Variants in CSTPP1 observed in about 807,000 individuals in gnomAD.
The protein encoded by CSTPP1 is centriolar satellite-associated tubulin polyglutamylase complex regulator 1.
At chr11:47,042,797 C>G in the CSTPP1 span, among the ~76,000 whole-genome samples, 1 of 152,060 alleles carries the variant, frequency 6.6e-6, no homozygotes, top group Non-Finnish European at 1.5e-5. Flanking sequence ...AGATTAATGT[C>G]TATTAAAGAA....
the CSTPP1 span, chr11:47,157,690 G>A: frequency 3.5e-6 from 3 of 857,012 alleles, no homozygotes; most frequent in Non-Finnish European, 5.7e-6. Context: ...ATCCCCCAGG[G>A]CCTTGGGGCT....
the CSTPP1 span, among the ~76,000 whole-genome samples, chr11:46,976,851 G>A: frequency 6.6e-6 from 1 of 152,064 alleles, no homozygotes; most frequent in African/African-American, 2.4e-5. Flanking sequence ...CTCCCTATAC[G>A]TGTGTTTTGC....
At chr11:47,151,776 C>T in the CSTPP1 span, among the ~76,000 whole-genome samples, 1 of 151,644 alleles carries the variant, frequency 6.6e-6, no homozygotes, top group Non-Finnish European at 1.5e-5. Flanking sequence ...GGGATCCAGC[C>T]ACATGTCCCC....
the CSTPP1 span, among the ~76,000 whole-genome samples, chr11:46,956,052 G>C: frequency 6.6e-6 from 1 of 151,776 alleles, no homozygotes; most frequent in East Asian, 2.0e-4. Context: ...TTGGGAACAA[G>C]GGATGGAGGG....
chr11:47,156,803 C>CACCTGGT, the CSTPP1 span, among the ~76,000 whole-genome samples: 1 of 152,138 alleles, frequency 6.6e-6, no homozygotes, highest in Admixed American at 6.5e-5. Context: ...AACAACTGAG[C>CACCTGGT]CAAGGATGGG....
At chr11:47,109,510 A>G in the CSTPP1 span, among the ~76,000 whole-genome samples, 5 of 152,206 alleles carry the variant, frequency 3.3e-5, no homozygotes, top group Non-Finnish European at 7.3e-5. Context: ...TGCGGGTCAG[A>G]TGCTTTGGAT....
the CSTPP1 span, among the ~76,000 whole-genome samples, chr11:47,023,015 T>C: frequency 3.3e-5 from 5 of 152,186 alleles, no homozygotes; most frequent in Non-Finnish European, 7.3e-5. Flanking sequence ...CTTGTTAAAA[T>C]GCAGAATCAG....
chr11:47,161,596 G>A, the CSTPP1 span: 1 of 1,614,030 alleles, frequency 6.2e-7, no homozygotes, highest in Non-Finnish European at 8.5e-7. Flanking sequence ...TGGATGGAGA[G>A]AGTGATGGCT....
the CSTPP1 span, among the ~76,000 whole-genome samples, chr11:47,062,704 C>T: frequency 9.2e-5 from 14 of 152,188 alleles, no homozygotes; most frequent in African/African-American, 3.4e-4. Flanking sequence ...TTTGCCTTCA[C>T]TCCATGAAAG....
At chr11:47,010,084 C>T in the CSTPP1 span, among the ~76,000 whole-genome samples, 10 of 152,042 alleles carry the variant, frequency 6.6e-5, no homozygotes, top group Admixed American at 3.9e-4. Context: ...ATTATTTATA[C>T]GGTCAGGAAA....
the CSTPP1 span, among the ~76,000 whole-genome samples, chr11:47,027,158 A>G: frequency 2.0e-5 from 3 of 152,118 alleles, no homozygotes; most frequent in South Asian, 4.1e-4. Flanking sequence ...ATAAAAAAAG[A>G]TATTCCTTCA....
the CSTPP1 span, chr11:47,123,325 G>A: frequency 2.0e-5 from 3 of 152,136 alleles, no homozygotes; most frequent in East Asian, 5.8e-4. Context: ...ATCATTACCA[G>A]GTCTTCTGAT....
the CSTPP1 span, among the ~76,000 whole-genome samples, chr11:47,008,665 AAG>A: frequency 5.3e-5 from 8 of 152,212 alleles, no homozygotes; most frequent in South Asian, 1.5e-3. Flanking sequence ...CTATTATTGA[AAG>A]AGTCACAGGT....
At chr11:47,156,373 C>T in the CSTPP1 span, among the ~76,000 whole-genome samples, 7 of 152,232 alleles carry the variant, frequency 4.6e-5, no homozygotes, top group Non-Finnish European at 8.8e-5. Flanking sequence ...CACTGCCCAG[C>T]GGTGTGTGTA....
the CSTPP1 span, among the ~76,000 whole-genome samples, chr11:46,957,382 A>T: frequency 6.6e-6 from 1 of 152,174 alleles, no homozygotes; most frequent in Non-Finnish European, 1.5e-5. Flanking sequence ...CTTTCTGAGA[A>T]AGGGTGCATG....
chr11:47,158,445 C>A, the CSTPP1 span, among the ~76,000 whole-genome samples: 1 of 152,126 alleles, frequency 6.6e-6, no homozygotes. Context: ...ACTGAGCCTT[C>A]TCCACCCACC....
chr11:47,148,790 G>T, the CSTPP1 span, among the ~76,000 whole-genome samples: 6 of 152,298 alleles, frequency 3.9e-5, no homozygotes, highest in East Asian at 1.2e-3. Context: ...CAGGAACTAT[G>T]ATTATATCCT....
chr11:46,969,563 G>A, the CSTPP1 span, among the ~76,000 whole-genome samples: 5 of 152,156 alleles, frequency 3.3e-5, no homozygotes, highest in African/African-American at 7.2e-5. Flanking sequence ...TAGAATGCTC[G>A]TAGTGGCACT....
At chr11:47,152,747 A>G in the CSTPP1 span, among the ~76,000 whole-genome samples, 1 of 152,228 alleles carries the variant, frequency 6.6e-6, no homozygotes, top group South Asian at 2.1e-4. Context: ...ATAAATAGCA[A>G]GTGGAAGTTG....
Sources: allele counts gnomAD v4.1 joint callset (sites outside exome capture counted in the v4.1 genomes callset), GRCh38; gene constraint gnomAD v4.1.1; transcripts MANE v1.5; gene names NCBI Gene and HGNC (gene_info 2026-07-23, HGNC 2026-07-21).